MTFMT: variants seen among roughly 807,000 people sequenced by gnomAD.
The protein encoded by MTFMT is mitochondrial methionyl-tRNA formyltransferase, also known as methionyl-tRNA formyltransferase, mitochondrial.
A neutral mutation model predicts 51.8 loss-of-function variants in MTFMT; 47 were observed. The observed-to-expected ratio is 0.91, with a 90% CI of 0.72 to 1.16. MTFMT has a LOEUF of 1.16. Among genes scored for constraint, MTFMT ranks in the 50% most tolerant of loss-of-function variants. MTFMT has a pLI of 0.00. For missense variants in MTFMT, 512 were observed against 482.3 expected, an observed-to-expected ratio of 1.06 and a Z score of -0.58; for synonymous variants, 196 against 176.7, an observed-to-expected ratio of 1.11 and a Z score of -0.87.
chr15:65,029,336 G>A (rs1412912943), intron 1 of MTFMT, 69 bp downstream of exon 1: 3 of 1,344,550 alleles, frequency 2.2e-6, no homozygotes, highest in African/African-American at 1.5e-5. Context: ...CAAAACCCTC[G>A]GGGCCGGCCG....
chr15:65,012,916 G>A (rs1034648531), intron 6 of MTFMT, among the ~76,000 whole-genome samples: 1 of 152,050 alleles, frequency 6.6e-6, no homozygotes, highest in African/African-American at 2.4e-5. Context: ...TTTAGGAATT[G>A]TGTTGAATCT....
At chr15:65,011,323 A>C (rs917825654) in intron 6 of MTFMT, among the ~76,000 whole-genome samples, 1 of 152,120 alleles carries the variant, frequency 6.6e-6, no homozygotes, top group African/African-American at 2.4e-5. Context: ...ACTCCATCTC[A>C]AAAACAAACA....
In MTFMT at chr15:65,002,385, A is replaced by AG. The variant is rs2086183461; in HGVS notation, c.*676dup. On this transcript the variant is annotated 3_prime_UTR_variant, in exon 9 of 9. Coordinates refer to ENST00000220058, the MANE Select transcript of MTFMT (RefSeq NM_139242.4). The stretch of plus-strand genomic sequence containing the variant: ...GCCACTGCACTCCAGCCTGGGCCAC[A>AG]GAACAAGACTCCGTCTCAAAAAAAT... 1 of 152,184 alleles carries AG rather than the reference A, an allele frequency of 6.6e-6. No individual in the cohort carries two copies. The highest frequency in any genetic ancestry group is 1.5e-5 in the Non-Finnish European group (1 of 68,082). The allele number at this position is 152,184 out of a possible 1,614,324, so 9.4% of individuals were successfully genotyped here.
chr15:65,012,320 AAT>A (rs200110367), intron 6 of MTFMT, among the ~76,000 whole-genome samples: 4,102 of 150,996 alleles, frequency 0.027, 105 homozygotes, highest in South Asian at 0.13. Context: ...TAATAATAAT[AAT>A]AAAAAGAACT....
At chr15:65,010,580 T>C (rs931919949) in intron 6 of MTFMT, among the ~76,000 whole-genome samples, 2 of 152,218 alleles carry the variant, frequency 1.3e-5, no homozygotes, top group African/African-American at 4.8e-5. Flanking sequence ...TATGGCTATA[T>C]ACCACATTTT....
chr15:65,025,247 A>AAG lies in MTFMT; in HGVS notation c.420-1454_420-1453insCT, dbSNP rs1487377274. Among the ~76,000 whole-genome samples the AAG allele has an allele frequency of 2.6e-5, 4 of 151,478 alleles. No homozygotes were observed. The East Asian group carries it at 7.8e-4, about 29-fold the overall frequency. ...CCTGTCTCTAAAAAAAAAAAAAAAA[A>AAG]AAAAAGAGTTAGCTGGGTGTGTTGG... On this transcript the variant is annotated intron_variant, in intron 2 of 8. Transcript: ENST00000220058.
intron 1 of MTFMT, among the ~76,000 whole-genome samples, chr15:65,027,301 G>A (rs1025490317): frequency 3.3e-5 from 5 of 151,498 alleles, no homozygotes; most frequent in Non-Finnish European, 5.9e-5. Context: ...AGGTTCAAGC[G>A]ATTATCCTGC....
At chr15:65,011,981 T>A (rs2086271327) in intron 6 of MTFMT, among the ~76,000 whole-genome samples, 1 of 152,094 alleles carries the variant, frequency 6.6e-6, no homozygotes, top group African/African-American at 2.4e-5. Context: ...GTTTTCTAGT[T>A]TTAGCTATTC....
intron 6 of MTFMT, among the ~76,000 whole-genome samples, chr15:65,007,979 G>A (rs4300588): frequency 0.99 from 150,166 of 152,214 alleles, 74,103 homozygotes; most frequent in East Asian, 1. Context: ...TTGGTGGTTC[G>A]TATCATACTT....
At position 65,029,506 on chromosome 15, in the gene MTFMT, G is replaced by C. The variant is rs1401714074; in HGVS notation, c.108C>G (p.Asp36Glu). The part of the protein sequence containing the change: ...WRALARLGWE[D>E]CRDSRVREKP... ...TCTCGCGGACTCTGGAGTCCCGGCA[G>C]TCCTCCCAGCCGAGTCGGGCCAGTG... The change falls in exon 1 of 9, where the codon GAC becomes GAG. Residue 36 changes from aspartate to glutamate, a missense_variant. Physicochemically the swap from Asp to Glu is conservative, Grantham distance 45. Coordinates refer to ENST00000220058, the MANE Select transcript of MTFMT (RefSeq NM_139242.4). 3 of 1,531,898 alleles carry C rather than the reference G, an allele frequency of 2.0e-6. No homozygotes were observed. The highest frequency in any genetic ancestry group is 1.4e-5 in the African/African-American group (1 of 70,264). The allele number at this position is 1,531,898 out of a possible 1,614,324, so 94.9% of individuals were successfully genotyped here.
Position 65,026,414 on chromosome 15 carries a change from T to C in MTFMT, c.419+417A>G, listed in dbSNP as rs556779888. ...AACGTGTACCATAACACAGAGTGGATTGGTCTTGCTTTTGGTGGTCTATAC... is the reference window on the plus strand; with the variant it reads ...AACGTGTACCATAACACAGAGTGGACTGGTCTTGCTTTTGGTGGTCTATAC... On this transcript the variant is annotated intron_variant, in intron 2 of 8. Coordinates refer to ENST00000220058, the MANE Select transcript of MTFMT (RefSeq NM_139242.4). 1.3e-5 allele frequency: 3 copies of C among 231,064 alleles called. No individual in the cohort carries two copies. The South Asian group carries it at 2.3e-4, about 17-fold the overall frequency. The allele number at this position is 231,064 out of a possible 1,614,324, so 14.3% of individuals were successfully genotyped here. A position where few individuals can be genotyped will look rare whatever the true frequency, so the allele number is the denominator to read the frequency against.
At position 65,020,254 on chromosome 15, in the gene MTFMT, T is replaced by C; in HGVS notation, c.664A>G (p.Asn222Asp). Residue 222 changes from asparagine to aspartate, a missense_variant, in exon 5 of 9, where the codon AAT becomes GAT. Coordinates refer to ENST00000220058, the MANE Select transcript of MTFMT (RefSeq NM_139242.4). ...GANMLISVLK[N>D]LPESLSNGRQ... is the part of the protein sequence containing the mutation. ...CCATTGCTCAGACTTTCAGGCAAAT[T>C]TTTCAAAACTGAAATGAGCTACAAA... The C allele has an allele frequency of 6.2e-7, 1 of 1,611,686 alleles. No homozygotes were observed. The highest frequency in any genetic ancestry group is 1.3e-5 in the African/African-American group (1 of 74,532).
intron 2 of MTFMT, among the ~76,000 whole-genome samples, chr15:65,025,232 A>C (rs1223168786): frequency 7.0e-6 from 1 of 143,652 alleles, no homozygotes; most frequent in Admixed American, 7.0e-5. Flanking sequence ...CCTGTCTCTA[A>C]AAAAAAAAAA....
At position 65,023,803 on chromosome 15, in the gene MTFMT, G is replaced by C. The variant is rs1050373708; in HGVS notation, c.420-9C>G. On this transcript the variant is annotated splice_polypyrimidine_tract_variant and intron_variant, in intron 2 of 8. Coordinates refer to ENST00000220058, the MANE Select transcript of MTFMT (RefSeq NM_139242.4). ...GAACATTCAATATGCCACTGAGTTA[G>C]AAAATGTAGAAATTAGTATGTCAGT... is the stretch of plus-strand genomic sequence containing the variant. The C allele has an allele frequency of 1.2e-5, 19 of 1,605,852 alleles. No homozygotes were observed. Among genetic ancestry groups the C allele is most frequent in the East Asian group, 2.2e-5 (1 of 44,682 alleles).
chr15:65,018,807 C>T (rs769210844), intron 5 of MTFMT, among the ~76,000 whole-genome samples: 84 of 152,034 alleles, frequency 5.5e-4, no homozygotes, highest in African/African-American at 1.1e-3. Flanking sequence ...AAAATCTACG[C>T]GTCAAATGAT....
At chr15:65,029,132 C>T in intron 1 of MTFMT, 1 of 371,974 alleles carries the variant, frequency 2.7e-6, no homozygotes, top group Non-Finnish European at 3.7e-6. Context: ...GAGCGCCCAG[C>T]CCCAGCTCGG....
rs372937294 is a variant in MTFMT, at chr15:65,029,200, C to A, written c.209+205G>T. 2.1e-5 allele frequency: 19 copies of A among 908,756 alleles called. No individual in the cohort carries two copies. In the East Asian group the frequency reaches 5.9e-4, roughly 28 times the overall value. 56.3% of individuals were successfully genotyped at this position (908,756 alleles called of 1,614,324 possible). The stretch of plus-strand genomic sequence containing the variant: ...CACAGAGGCGGCGGGGAGTGAGGGG[C>A]GCAGACCGCAGGTACTAGGCGCCCA... On this transcript the variant is annotated intron_variant, in intron 1 of 8. Coordinates refer to ENST00000220058, the MANE Select transcript of MTFMT (RefSeq NM_139242.4).
Position 65,003,248 on chromosome 15 carries a change from C to A in MTFMT, c.984G>T (p.Trp328Cys). 2 of 1,612,424 alleles carry A rather than the reference C, an allele frequency of 1.2e-6. No individual in the cohort carries two copies. Among genetic ancestry groups the A allele is most frequent in the Non-Finnish European group, 1.7e-6 (2 of 1,179,070 alleles). The change falls in exon 9 of 9, where the codon TGG becomes TGT. Residue 328 changes from tryptophan to cysteine, a missense_variant. Transcript: ENST00000220058. ...QILLVYCKDGWIGVRSVMLKK... is the reference protein window; with the variant it reads ...QILLVYCKDGCIGVRSVMLKK... ...TGAGCATCACTGATCGAACACCAAT[C>A]CAACCATCCTAAAGGGCAAAATACA...
At chr15:65,008,810 CT>C (rs1057313596) in intron 6 of MTFMT, among the ~76,000 whole-genome samples, 3 of 152,054 alleles carry the variant, frequency 2.0e-5, no homozygotes, top group Non-Finnish European at 4.4e-5. Context: ...CAATTTTTTT[CT>C]TTTAAATAAC....
Sources: allele counts gnomAD v4.1 joint callset (sites outside exome capture counted in the v4.1 genomes callset), GRCh38; gene constraint gnomAD v4.1.1; transcripts MANE v1.5; gene names NCBI Gene and HGNC (gene_info 2026-07-23, HGNC 2026-07-21).